Variants in DRGX observed in about 807,000 individuals in gnomAD.
DRGX encodes dorsal root ganglia homeobox.
DRGX carries 21 observed loss-of-function variants against 28.6 expected under a neutral mutation model. That is an observed-to-expected ratio of 0.73 (90% CI 0.52 to 1.06). The LOEUF is 1.06. Among genes scored for constraint, DRGX ranks in the 50% least tolerant of loss-of-function variants. The probability of loss-of-function intolerance (pLI) is 0.00; values close to 1 mark genes in which losing one functional copy is unlikely to be tolerated. For synonymous variants in DRGX, 136 were observed against 139.1 expected, an observed-to-expected ratio of 0.98 and a Z score of 0.16; for missense variants, 354 against 343.9, an observed-to-expected ratio of 1.03 and a Z score of -0.23.
At chr10:49,386,917 AC>A (rs1351039127) in intron 4 of DRGX, 59 bp from the exon 5 acceptor site, 3 of 1,492,100 alleles carry the variant, frequency 2.0e-6, no homozygotes, top group African/African-American at 1.4e-5. Context: ...AGAAGCCAGA[AC>A]CCTGGACCCA....
intron 6 of DRGX, among the ~76,000 whole-genome samples, chr10:49,383,283 C>A (rs1452875160): frequency 6.6e-6 from 1 of 152,224 alleles, no homozygotes; most frequent in Non-Finnish European, 1.5e-5. Flanking sequence ...CACAGGATAA[C>A]TTTCCATAAT....
At chr10:49,367,357 T>A (rs1393024954) in intron 6 of DRGX, among the ~76,000 whole-genome samples, 1 of 151,976 alleles carries the variant, frequency 6.6e-6, no homozygotes. Flanking sequence ...AGCAAGTCCC[T>A]GTCTCTAAAA....
chr10:49,395,594 G>C lies in DRGX; in HGVS notation c.-81-73C>G, dbSNP rs1047566386. 4 of 867,336 alleles carry C rather than the reference G, an allele frequency of 4.6e-6. No homozygotes were observed. In the Admixed American group the frequency reaches 6.5e-5, roughly 14 times the overall value. The allele number at this position is 867,336 out of a possible 1,614,324, so 53.7% of individuals were successfully genotyped here. On this transcript the variant is annotated intron_variant, in intron 1 of 6. Transcript: ENST00000374139. ...TCCCGCCCAGCCCTAGGGCGCACCC[G>C]GCGCTCCCCTCCTGGAAAGTCCCTC...
chr10:49,382,354 G>A (rs752241608), intron 6 of DRGX, among the ~76,000 whole-genome samples: 14 of 152,144 alleles, frequency 9.2e-5, no homozygotes, highest in Non-Finnish European at 1.6e-4. Flanking sequence ...GTGCCTTCTA[G>A]CACCAGCATG....
Position 49,389,324 on chromosome 10 carries a change from A to G in DRGX, c.234+809T>C, listed in dbSNP as rs184101770. ...CCAGGGGAACCGAAAGCAAACTATT[A>G]TATTTCCTACAATTAGATCTTTGCA... On this transcript the variant is annotated intron_variant, in intron 4 of 6. Coordinates refer to ENST00000374139, the MANE Select transcript of DRGX (RefSeq NM_001276451.2). Among the ~76,000 whole-genome samples, 443 of 152,296 alleles carry G rather than the reference A, an allele frequency of 2.9e-3. 3 individuals carry two copies. Among genetic ancestry groups the G allele is most frequent in the African/African-American group, 0.01 (420 of 41,552 alleles).
rs1849578887 is a variant in DRGX at position 49,364,584 on chromosome 10, G to A, written c.*1532C>T. ...TCAACCAAACATTCGTAATTACAGG[G>A]AAACGGAAGCAACTTTGCCGCTTTT... On this transcript the variant is annotated 3_prime_UTR_variant, in exon 7 of 7. Coordinates refer to ENST00000374139, the MANE Select transcript of DRGX (RefSeq NM_001276451.2). 6.6e-6 allele frequency: 1 copy of A among 152,156 alleles called. No individual in the cohort carries two copies. Among genetic ancestry groups the A allele is most frequent in the Non-Finnish European group, 1.5e-5 (1 of 68,036 alleles). 9.4% of individuals were successfully genotyped at this position (152,156 alleles called of 1,614,324 possible). A position where few individuals can be genotyped will look rare whatever the true frequency, so the allele number is the denominator to read the frequency against.
intron 6 of DRGX, among the ~76,000 whole-genome samples, chr10:49,375,891 C>T (rs1004413148): frequency 3.3e-5 from 5 of 152,154 alleles, no homozygotes; most frequent in African/African-American, 1.2e-4. Context: ...GCTGCTTCTC[C>T]TGCTGCCTCT....
At chr10:49,374,266 A>G (rs1274528814) in intron 6 of DRGX, among the ~76,000 whole-genome samples, 2 of 152,212 alleles carry the variant, frequency 1.3e-5, no homozygotes, top group Non-Finnish European at 2.9e-5. Flanking sequence ...CACCCAGTGA[A>G]GACTCCAAGA....
At chr10:49,371,860 C>A (rs1450056459) in intron 6 of DRGX, among the ~76,000 whole-genome samples, 1 of 151,158 alleles carries the variant, frequency 6.6e-6, no homozygotes, top group Non-Finnish European at 1.5e-5. Context: ...CTAGGACCCT[C>A]ACCAAATGCT....
At chr10:49,383,996 G>A (rs72792860) in intron 6 of DRGX, among the ~76,000 whole-genome samples, 4,154 of 152,330 alleles carry the variant, frequency 0.027, 86 homozygotes, top group Non-Finnish European at 0.04. Context: ...CAGCATCCAC[G>A]TTCCCACGCA....
intron 6 of DRGX, 116 bp from the exon 7 acceptor site, chr10:49,366,497 A>C: frequency 5.0e-6 from 7 of 1,408,128 alleles, no homozygotes; most frequent in Non-Finnish European, 6.6e-6. Flanking sequence ...CTCTGGTGCC[A>C]GATACTAAAG....
At chr10:49,376,235 CA>C (rs1200343142) in intron 6 of DRGX, among the ~76,000 whole-genome samples, 1 of 152,190 alleles carries the variant, frequency 6.6e-6, no homozygotes, top group East Asian at 1.9e-4. Context: ...AGATCTCCTA[CA>C]AATCTTAAGT....
intron 2 of DRGX, among the ~76,000 whole-genome samples, chr10:49,392,899 GA>G (rs1849925361): frequency 6.6e-6 from 1 of 152,056 alleles, no homozygotes; most frequent in Non-Finnish European, 1.5e-5. Context: ...ACATTTTGAA[GA>G]AAAAATGAGG....
chr10:49,382,937 G>A (rs1433398968), intron 6 of DRGX, among the ~76,000 whole-genome samples: 1 of 152,164 alleles, frequency 6.6e-6, no homozygotes, highest in Non-Finnish European at 1.5e-5. Context: ...GGGACCCCGG[G>A]GAGAATTGAA....
intron 6 of DRGX, among the ~76,000 whole-genome samples, chr10:49,374,737 A>G (rs1039527356): frequency 6.6e-6 from 1 of 152,212 alleles, no homozygotes; most frequent in Admixed American, 6.5e-5. Context: ...TACTACCAAG[A>G]CTGACAGGAA....
At chr10:49,370,850 C>A (rs778506568) in intron 6 of DRGX, among the ~76,000 whole-genome samples, 40 of 152,196 alleles carry the variant, frequency 2.6e-4, no homozygotes, top group Admixed American at 5.2e-4. Flanking sequence ...GTGGTCAATA[C>A]GACTTCACAG....
At chr10:49,386,990 C>T (rs1044672491) in intron 4 of DRGX, 132 bp from the exon 5 acceptor site, 24 of 1,063,158 alleles carry the variant, frequency 2.3e-5, no homozygotes, top group African/African-American at 8.0e-5. Context: ...TGAACTGCAG[C>T]GTCAGGCCCA....
rs377685998 is a variant in DRGX, at chr10:49,366,093, G to T, written c.*23C>A. 4 of 1,520,316 alleles carry T rather than the reference G, an allele frequency of 2.6e-6. No homozygotes were observed. Among genetic ancestry groups the T allele is most frequent in the African/African-American group, 2.8e-5 (2 of 72,440 alleles). 94.2% of individuals were successfully genotyped at this position (1,520,316 alleles called of 1,614,324 possible). A position where few individuals can be genotyped will look rare whatever the true frequency, so the allele number is the denominator to read the frequency against. On this transcript the variant is annotated 3_prime_UTR_variant, in exon 7 of 7. Transcript: ENST00000374139. ...GAGAAGGAGGGGCGGGGGAGGGCAG[G>T]CCGGGCGGGGCACTGTGGACCCTCA... is the stretch of plus-strand genomic sequence containing the variant.
intron 6 of DRGX, among the ~76,000 whole-genome samples, chr10:49,369,775 T>C (rs996880045): frequency 8.8e-6 from 1 of 113,442 alleles, no homozygotes; most frequent in Non-Finnish European, 1.9e-5. Flanking sequence ...GAAAATAAGA[T>C]TTTTTTTTTT....
Sources: gnomAD v4.1 joint callset for allele counts (sites outside exome capture counted in the v4.1 genomes callset) on GRCh38, gnomAD v4.1.1 for gene constraint, MANE v1.5 for transcripts, NCBI Gene and HGNC (gene_info 2026-07-23, HGNC 2026-07-21) for gene names.